The following DRC10 variants were observed in gnomAD, a reference collection of about 807,000 sequenced individuals.
The protein encoded by DRC10 is dynein regulatory complex subunit 10.
the DRC10 span, among the ~76,000 whole-genome samples, chr12:113,215,582 G>A: frequency 1.3e-5 from 2 of 152,160 alleles, no homozygotes; most frequent in Admixed American, 6.5e-5. Flanking sequence ...GTTAGTGACC[G>A]AAGAAGACCA....
the DRC10 span, among the ~76,000 whole-genome samples, chr12:113,203,944 G>GA: frequency 6.6e-6 from 1 of 151,526 alleles, no homozygotes; most frequent in African/African-American, 2.4e-5. Context: ...TCTAAAAAAA[G>GA]AAAAAAAATT....
chr12:113,210,787 T>C, the DRC10 span, among the ~76,000 whole-genome samples: 1 of 151,906 alleles, frequency 6.6e-6, no homozygotes, highest in Non-Finnish European at 1.5e-5. Flanking sequence ...CATCCCTATA[T>C]GCACCTGTTT....
At chr12:113,214,688 G>A in the DRC10 span, among the ~76,000 whole-genome samples, 3 of 152,100 alleles carry the variant, frequency 2.0e-5, no homozygotes, top group Admixed American at 2.0e-4. Context: ...AGAAAAGAGA[G>A]TCATATTTTC....
At chr12:113,221,060 T>G in the DRC10 span, 1 of 420,990 alleles carries the variant, frequency 2.4e-6, no homozygotes, top group Non-Finnish European at 4.9e-6. Flanking sequence ...GTTGCTAGGT[T>G]ACCCGCCAAT....
the DRC10 span, chr12:113,200,545 C>T: frequency 9.0e-7 from 1 of 1,112,420 alleles, no homozygotes; most frequent in Non-Finnish European, 1.3e-6. Flanking sequence ...CCACCAGGGG[C>T]CCCCTCGGCC....
At chr12:113,202,071 T>A in the DRC10 span, among the ~76,000 whole-genome samples, 1 of 152,226 alleles carries the variant, frequency 6.6e-6, no homozygotes, top group East Asian at 1.9e-4. Context: ...GCCACCTGTG[T>A]CCCTCTGCCT....
the DRC10 span, among the ~76,000 whole-genome samples, chr12:113,209,839 T>C: frequency 1.3e-5 from 2 of 152,246 alleles, no homozygotes; most frequent in African/African-American, 4.8e-5. Flanking sequence ...TAAAAGACTA[T>C]TTCAGGCCAG....
the DRC10 span, among the ~76,000 whole-genome samples, chr12:113,218,454 T>G: frequency 6.6e-6 from 1 of 151,738 alleles, no homozygotes; most frequent in African/African-American, 2.4e-5. Flanking sequence ...TGCCTTTTTT[T>G]TTTAATAGAC....
the DRC10 span, chr12:113,207,651 C>T: frequency 6.2e-7 from 1 of 1,614,136 alleles, no homozygotes; most frequent in Non-Finnish European, 8.5e-7. Context: ...TACCCTGTGT[C>T]TGCATCTGCA....
the DRC10 span, among the ~76,000 whole-genome samples, chr12:113,198,210 G>A: frequency 1.3e-5 from 2 of 151,886 alleles, no homozygotes; most frequent in African/African-American, 2.4e-5. Context: ...GAGCAAGACT[G>A]TCTCAAAAAA....
chr12:113,205,001 G>A, the DRC10 span, among the ~76,000 whole-genome samples: 3 of 151,772 alleles, frequency 2.0e-5, no homozygotes, highest in Admixed American at 6.6e-5. Flanking sequence ...TCACGCCCTC[G>A]CATTCTTCAT....
chr12:113,220,706 C>T, the DRC10 span, among the ~76,000 whole-genome samples: 4 of 152,154 alleles, frequency 2.6e-5, no homozygotes, highest in Admixed American at 2.6e-4. Context: ...CCATGTTTGA[C>T]TTGAAATAAG....
the DRC10 span, among the ~76,000 whole-genome samples, chr12:113,202,605 T>C: frequency 6.6e-6 from 1 of 152,162 alleles, no homozygotes; most frequent in Non-Finnish European, 1.5e-5. Context: ...GCATGGAAGT[T>C]CTGTGTGCCA....
chr12:113,201,124 G>C, the DRC10 span, among the ~76,000 whole-genome samples: 1 of 152,022 alleles, frequency 6.6e-6, no homozygotes, highest in African/African-American at 2.4e-5. Flanking sequence ...TTGGGTGACA[G>C]AGTGAGATTC....
the DRC10 span, among the ~76,000 whole-genome samples, chr12:113,218,599 T>A: frequency 6.6e-6 from 1 of 152,148 alleles, no homozygotes; most frequent in Non-Finnish European, 1.5e-5. Flanking sequence ...CATACCACCA[T>A]GCCTGGCTAA....
chr12:113,204,203 C>G, the DRC10 span, among the ~76,000 whole-genome samples: 1 of 152,242 alleles, frequency 6.6e-6, no homozygotes, highest in Non-Finnish European at 1.5e-5. Context: ...CCAATGCACT[C>G]AAGCCTGGGT....
At chr12:113,218,560 A>G in the DRC10 span, among the ~76,000 whole-genome samples, 5 of 152,056 alleles carry the variant, frequency 3.3e-5, no homozygotes, top group Admixed American at 6.6e-5. Context: ...CTCCCACCTC[A>G]GCCTTCTGAA....
the DRC10 span, chr12:113,200,875 A>C: frequency 6.2e-6 from 8 of 1,295,376 alleles, no homozygotes; most frequent in Non-Finnish European, 8.3e-6. Context: ...ACAGTGGCTC[A>C]CGCCTGTAAT....
the DRC10 span, among the ~76,000 whole-genome samples, chr12:113,213,952 C>CAAAAAA: frequency 6.6e-6 from 1 of 151,376 alleles, no homozygotes; most frequent in Non-Finnish European, 1.5e-5. Context: ...TCAAAAAAAA[C>CAAAAAA]AAAAACAAAA....
Sources: gnomAD v4.1 joint callset for allele counts (sites outside exome capture counted in the v4.1 genomes callset) on GRCh38, gnomAD v4.1.1 for gene constraint, MANE v1.5 for transcripts, NCBI Gene and HGNC (gene_info 2026-07-23, HGNC 2026-07-21) for gene names.